PRIM2: variants seen among roughly 807,000 people sequenced by gnomAD.
PRIM2 encodes the protein DNA primase large subunit.
In PRIM2, 39 loss-of-function variants were observed where a neutral mutation model predicts 67.3. The observed-to-expected ratio is 0.58, with a 90% CI of 0.45 to 0.76. PRIM2 has a LOEUF of 0.76. Ranked by LOEUF, PRIM2 falls within the 30% of genes least tolerant of loss-of-function variation. PRIM2 has a pLI of 0.00. For synonymous variants in PRIM2, 143 were observed against 198.7 expected (o/e 0.72, Z 2.36); for missense variants, 398 against 598.7 (o/e 0.66, Z 3.50).
At chr6:57,459,005 T>A (rs1439869133) in intron 7 of PRIM2, among the ~76,000 whole-genome samples, 2 of 152,224 alleles carry the variant, frequency 1.3e-5, no homozygotes, top group Non-Finnish European at 2.9e-5. Flanking sequence ...AATAACTATT[T>A]GGTGTGGTAA....
intron 10 of PRIM2, among the ~76,000 whole-genome samples, chr6:57,563,506 G>A (rs1775679181): frequency 1.3e-5 from 2 of 152,076 alleles, no homozygotes; most frequent in Admixed American, 1.3e-4. Context: ...GGGGCATAAG[G>A]TTACGTACTG....
At chr6:57,299,074 C>T in the PRIM2 span, among the ~76,000 whole-genome samples, 70,391 of 150,114 alleles carry the variant, frequency 0.47, 16,597 homozygotes, top group Admixed American at 0.57. Flanking sequence ...TTCTCTCTGT[C>T]TCTCTCTCTC....
rs1292048581 is a variant in PRIM2, at chr6:57,612,836, G to A, written c.1230+6379G>A. Among the ~76,000 whole-genome samples, 232 of 136,168 alleles carry A rather than the reference G, an allele frequency of 1.7e-3. 5 individuals carry two copies. In the East Asian group the frequency reaches 0.019, roughly 11 times the overall value. The allele number at this position is 136,168 out of a possible 152,430, so 89.3% of individuals were successfully genotyped here. A position where few individuals can be genotyped will look rare whatever the true frequency, so the allele number is the denominator to read the frequency against. Reference sequence around the variant, plus strand: ...AATAGACAGGGTCTTGCTCTGTCACGCAGGCTGGAGTGCAGTAGTGTGATC... The same window carrying A: ...AATAGACAGGGTCTTGCTCTGTCACACAGGCTGGAGTGCAGTAGTGTGATC... On this transcript the variant is annotated intron_variant, in intron 12 of 13. Transcript: ENST00000615550.
chr6:57,253,282 T>A, the PRIM2 span, among the ~76,000 whole-genome samples: 2 of 152,176 alleles, frequency 1.3e-5, no homozygotes, highest in African/African-American at 4.8e-5. Context: ...GGTAGCTCCA[T>A]TTAGAGAATG....
intron 8 of PRIM2, among the ~76,000 whole-genome samples, chr6:57,523,900 A>G (rs1774683711): frequency 1.3e-5 from 2 of 152,268 alleles, no homozygotes; most frequent in East Asian, 3.9e-4. Flanking sequence ...TGTTGTTTCT[A>G]CAAAGTCCAG....
intron 5 of PRIM2, among the ~76,000 whole-genome samples, chr6:57,376,917 G>A (rs76219306): frequency 3.3e-5 from 5 of 151,908 alleles, no homozygotes; most frequent in East Asian, 1.9e-4. Context: ...TCGCCTTGTC[G>A]CCCAGGCTGG....
chr6:57,632,810 T>TA (rs2127499613), intron 13 of PRIM2, among the ~76,000 whole-genome samples: 1 of 152,344 alleles, frequency 6.6e-6, no homozygotes, highest in East Asian at 1.9e-4. Flanking sequence ...GATGTTACTG[T>TA]AATCCACTTC....
the PRIM2 span, among the ~76,000 whole-genome samples, chr6:57,263,548 A>G: frequency 6.6e-6 from 1 of 152,132 alleles, no homozygotes; most frequent in African/African-American, 2.4e-5. Flanking sequence ...GTCACAGTGG[A>G]TTGAGGCCCA....
intron 7 of PRIM2, among the ~76,000 whole-genome samples, chr6:57,387,015 G>A (rs1770177406): frequency 6.6e-6 from 1 of 152,128 alleles, no homozygotes; most frequent in African/African-American, 2.4e-5. Flanking sequence ...TTTGAACATG[G>A]TTTAGGACTG....
intron 7 of PRIM2, among the ~76,000 whole-genome samples, chr6:57,463,376 T>C (rs1220484933): frequency 6.6e-6 from 1 of 152,158 alleles, no homozygotes; most frequent in Non-Finnish European, 1.5e-5. Flanking sequence ...GCTGTTGTCC[T>C]AGCTACTCAG....
chr6:57,258,086 A>G, the PRIM2 span, among the ~76,000 whole-genome samples: 3 of 152,036 alleles, frequency 2.0e-5, no homozygotes, highest in African/African-American at 4.8e-5. Context: ...TTCCAGCACC[A>G]TTAAAAACAA....
At chr6:57,237,994 A>G in the PRIM2 span, among the ~76,000 whole-genome samples, 111 of 152,320 alleles carry the variant, frequency 7.3e-4, no homozygotes, top group Admixed American at 2.1e-3. Context: ...AAAGGGATCA[A>G]TTCAACAAGA....
the PRIM2 span, among the ~76,000 whole-genome samples, chr6:57,264,543 C>G: frequency 1.3e-5 from 2 of 151,822 alleles, no homozygotes; most frequent in African/African-American, 2.4e-5. Flanking sequence ...AGTTGCAACC[C>G]CTCTAATACC....
the PRIM2 span, among the ~76,000 whole-genome samples, chr6:57,263,385 C>A: frequency 4.6e-5 from 7 of 152,290 alleles, no homozygotes; most frequent in South Asian, 1.0e-3. Flanking sequence ...TCCTTCCTTG[C>A]CCCTTCCCAG....
At chr6:57,424,476 T>C (rs1166508101) in intron 7 of PRIM2, among the ~76,000 whole-genome samples, 7 of 152,156 alleles carry the variant, frequency 4.6e-5, no homozygotes, top group Admixed American at 4.6e-4. Flanking sequence ...CTCCACAAGA[T>C]AACATGAGTA....
intron 7 of PRIM2, among the ~76,000 whole-genome samples, chr6:57,468,004 A>G (rs1773246142): frequency 6.6e-6 from 1 of 152,182 alleles, no homozygotes; most frequent in Admixed American, 6.5e-5. Context: ...GAAGTTGCTC[A>G]TCAGCTTAAG....
At chr6:57,293,538 T>C in the PRIM2 span, among the ~76,000 whole-genome samples, 2 of 152,192 alleles carry the variant, frequency 1.3e-5, no homozygotes, top group Non-Finnish European at 2.9e-5. Context: ...CATTCACATG[T>C]ATATTTATTG....
At chr6:57,510,156 A>T (rs1281745028) in intron 8 of PRIM2, among the ~76,000 whole-genome samples, 3 of 152,024 alleles carry the variant, frequency 2.0e-5, no homozygotes, top group Non-Finnish European at 2.9e-5. Context: ...TGATTTCTCC[A>T]TTATAGTATG....
intron 7 of PRIM2, chr6:57,383,313 T>G (rs1475432661): frequency 1.3e-5 from 2 of 152,046 alleles, no homozygotes; most frequent in Non-Finnish European, 2.9e-5. Context: ...ACCACACTTC[T>G]TTGTGTGAAA....
Sources: gnomAD v4.1 joint callset for allele counts (sites outside exome capture counted in the v4.1 genomes callset) on GRCh38, gnomAD v4.1.1 for gene constraint, MANE v1.5 for transcripts, NCBI Gene and HGNC (gene_info 2026-07-23, HGNC 2026-07-21) for gene names.